ZBTB44: variants seen among roughly 807,000 people sequenced by gnomAD.
ZBTB44 encodes zinc finger and BTB domain containing 44, also known as zinc finger and BTB domain-containing protein 44.
ZBTB44 carries 15 observed loss-of-function variants against 54.0 expected under a neutral mutation model. That is an observed-to-expected ratio of 0.28 (90% CI 0.19 to 0.43). The LOEUF (loss-of-function observed/expected upper bound fraction) is 0.43. Ranked by LOEUF, ZBTB44 falls within the 20% of genes least tolerant of loss-of-function variation. The probability of loss-of-function intolerance (pLI) is 1.00; values close to 1 mark genes in which losing one functional copy is unlikely to be tolerated. For synonymous variants in ZBTB44, 230 were observed against 250.1 expected, an observed-to-expected ratio of 0.92 and a Z score of 0.76; for missense variants, 487 against 707.1, an observed-to-expected ratio of 0.69 and a Z score of 3.53.
chr11:130,313,966 A>ATTT (rs1555059256), intron 1 of ZBTB44, among the ~76,000 whole-genome samples: 2,753 of 116,188 alleles, frequency 0.024, 88 homozygotes, highest in African/African-American at 0.071. Context: ...ATATATATAT[A>ATTT]TTTTTTTAAA....
At chr11:130,237,790 A>G (rs948959161) in intron 4 of ZBTB44, among the ~76,000 whole-genome samples, 1 of 152,220 alleles carries the variant, frequency 6.6e-6, no homozygotes, top group Non-Finnish European at 1.5e-5. Context: ...AGAAGGGGAA[A>G]GTGAGATAGT....
At chr11:130,279,383 G>A (rs2134256658) in intron 1 of ZBTB44, among the ~76,000 whole-genome samples, 1 of 152,098 alleles carries the variant, frequency 6.6e-6, no homozygotes, top group Admixed American at 6.5e-5. Flanking sequence ...CTCAGGTTGG[G>A]TGCAGTGGCT....
intron 1 of ZBTB44, among the ~76,000 whole-genome samples, chr11:130,276,408 A>C (rs1381802768): frequency 2.7e-5 from 4 of 148,822 alleles, no homozygotes; most frequent in Non-Finnish European, 4.5e-5. Flanking sequence ...TTACTTGTTG[A>C]CCTTTTAATT....
At chr11:130,232,270 C>T (rs1420914948) in intron 7 of ZBTB44, 1 of 152,146 alleles carries the variant, frequency 6.6e-6, no homozygotes, top group African/African-American at 2.4e-5. Flanking sequence ...GACTAAAGAA[C>T]TGTATTTTCT....
At chr11:130,238,354 C>G in intron 4 of ZBTB44, 90 bp downstream of exon 4, 12 of 1,387,726 alleles carry the variant, frequency 8.6e-6, no homozygotes, top group Non-Finnish European at 1.1e-5. Flanking sequence ...TTTTAAAACT[C>G]AGAAGCCCCT....
chr11:130,303,991 T>A (rs1444478514), intron 1 of ZBTB44, among the ~76,000 whole-genome samples: 1 of 152,192 alleles, frequency 6.6e-6, no homozygotes, highest in Non-Finnish European at 1.5e-5. Flanking sequence ...AATATCAACA[T>A]TGTAACTAAT....
chr11:130,296,924 C>T (rs1453995423), intron 1 of ZBTB44: 3 of 733,920 alleles, frequency 4.1e-6, no homozygotes, highest in African/African-American at 3.5e-5. Context: ...ATGTCAATGG[C>T]AATGAAGGCA....
chr11:130,273,949 G>A (rs986914325), intron 1 of ZBTB44, among the ~76,000 whole-genome samples: 28 of 142,306 alleles, frequency 2.0e-4, no homozygotes, highest in African/African-American at 6.3e-4. Context: ...TTAGTTTGAC[G>A]TGGTGGCACA....
intron 1 of ZBTB44, among the ~76,000 whole-genome samples, chr11:130,282,695 T>C (rs1485425480): frequency 6.6e-6 from 1 of 152,240 alleles, no homozygotes; most frequent in East Asian, 1.9e-4. Context: ...CATAGAATTC[T>C]GTATTTTGCA....
intron 3 of ZBTB44, chr11:130,239,287 G>GTTC: frequency 6.5e-6 from 1 of 152,852 alleles, no homozygotes; most frequent in African/African-American, 2.4e-5. Flanking sequence ...GAAATCAAGA[G>GTTC]TTCTGTCTTG....
intron 2 of ZBTB44, among the ~76,000 whole-genome samples, chr11:130,247,969 A>G (rs1937663389): frequency 1.3e-5 from 2 of 152,182 alleles, no homozygotes; most frequent in Admixed American, 1.3e-4. Flanking sequence ...GAATTTTACA[A>G]CCTTTCCATG....
At chr11:130,254,014 T>C (rs1938236034) in intron 2 of ZBTB44, among the ~76,000 whole-genome samples, 1 of 152,226 alleles carries the variant, frequency 6.6e-6, no homozygotes, top group Admixed American at 6.5e-5. Flanking sequence ...TGGCTAGCCA[T>C]ATGTAGAAAG....
At position 130,260,837 on chromosome 11, in the gene ZBTB44, AAC is replaced by A. The variant is rs1321598688; in HGVS notation, c.1018+17_1018+18del. The A allele has an allele frequency of 2.6e-6, 4 of 1,567,490 alleles. No homozygotes were observed. Among genetic ancestry groups the A allele is most frequent in the Admixed American group, 2.0e-5 (1 of 50,626 alleles). On this transcript the variant is annotated intron_variant, in intron 2 of 7. Coordinates refer to ENST00000357899, the MANE Select transcript of ZBTB44 (RefSeq NM_001301098.2). ...GAATTGACTTTATAGCACCAAGAAA[AAC>A]ACAGAAGGCATTATACCTATAGAGG... is the stretch of plus-strand genomic sequence containing the variant.
intron 1 of ZBTB44, among the ~76,000 whole-genome samples, chr11:130,312,218 C>A (rs1942650539): frequency 6.6e-6 from 1 of 152,094 alleles, no homozygotes; most frequent in Non-Finnish European, 1.5e-5. Flanking sequence ...TGCTAAAAAC[C>A]ACTAAGCAAA....
chr11:130,273,514 C>T lies in ZBTB44; in HGVS notation c.-56-11585G>A, dbSNP rs183013783. Among the ~76,000 whole-genome samples, 56 of 151,932 alleles carry T rather than the reference C, an allele frequency of 3.7e-4. 1 individual carries two copies. The East Asian group carries it at 9.5e-3, about 26-fold the overall frequency. On this transcript the variant is annotated intron_variant, in intron 1 of 7. Transcript: ENST00000357899. ...TTTTTGTAGAGATGGGGTTTTGACACATTGCCCAGGCCGGTCTCAAACTCC... is the reference window on the plus strand; with the variant it reads ...TTTTTGTAGAGATGGGGTTTTGACATATTGCCCAGGCCGGTCTCAAACTCC...
intron 2 of ZBTB44, among the ~76,000 whole-genome samples, chr11:130,257,712 A>C (rs1024952639): frequency 1.1e-4 from 17 of 152,192 alleles, no homozygotes; most frequent in African/African-American, 4.1e-4. Flanking sequence ...ACTCACACAG[A>C]GGGTAAAAGC....
In ZBTB44 at chr11:130,230,508, A is replaced by G. The variant is rs1057488155; in HGVS notation, c.*1256T>C. 1 of 150,836 alleles carries G rather than the reference A, an allele frequency of 6.6e-6. No individual in the cohort carries two copies. The highest frequency in any genetic ancestry group is 2.4e-5 in the African/African-American group (1 of 41,066). The allele number at this position is 150,836 out of a possible 1,614,324, so 9.3% of individuals were successfully genotyped here. A position where few individuals can be genotyped will look rare whatever the true frequency, so the allele number is the denominator to read the frequency against. On this transcript the variant is annotated 3_prime_UTR_variant, in exon 8 of 8. Transcript: ENST00000357899. ...ACTGTAAGCCAGAATGATTGCTGAAATGTCAAAATGTAAGATTGAATGAGG... is the reference window on the plus strand; with the variant it reads ...ACTGTAAGCCAGAATGATTGCTGAAGTGTCAAAATGTAAGATTGAATGAGG...
chr11:130,288,759 T>C (rs957538581), intron 1 of ZBTB44, among the ~76,000 whole-genome samples: 2 of 151,858 alleles, frequency 1.3e-5, no homozygotes, highest in East Asian at 3.9e-4. Flanking sequence ...TATCCAGGCA[T>C]GGTGACACGC....
At chr11:130,273,307 A>ATTTTTTTTTTTTTTTTTTTTTTTTTTTTT (rs34506406) in intron 1 of ZBTB44, among the ~76,000 whole-genome samples, 1 of 126,314 alleles carries the variant, frequency 7.9e-6, no homozygotes. Context: ...TATTTTCTTA[A>ATTTTTTTTTTTTTTTTTTTTTTTTTTTTT]TTTTTTTTTT....
Sources: allele counts gnomAD v4.1 joint callset (sites outside exome capture counted in the v4.1 genomes callset), GRCh38; gene constraint gnomAD v4.1.1; transcripts MANE v1.5; gene names NCBI Gene and HGNC (gene_info 2026-07-23, HGNC 2026-07-21).